NEGR1: variants seen among roughly 807,000 people sequenced by gnomAD.
The protein encoded by NEGR1 is neuronal growth regulator 1, also known as IgLON family member 4.
NEGR1 carries 10 observed loss-of-function variants against 40.9 expected under a neutral mutation model. That is an observed-to-expected ratio of 0.24 (90% confidence interval 0.15 to 0.42). The LOEUF (loss-of-function observed/expected upper bound fraction) is 0.42. Ranked by LOEUF, NEGR1 falls within the 10% of genes least tolerant of loss-of-function variation. The pLI is 1.00. For missense variants in NEGR1, 352 were observed against 438.9 expected, an observed-to-expected ratio of 0.80 and a Z score of 1.77; for synonymous variants, 185 against 166.8, an observed-to-expected ratio of 1.11 and a Z score of -0.84.
chr1:72,174,156 C>T (rs991850776), intron 1 of NEGR1, among the ~76,000 whole-genome samples: 2 of 151,938 alleles, frequency 1.3e-5, no homozygotes, highest in South Asian at 4.1e-4. Flanking sequence ...ATTTCATTAT[C>T]TTGCAACTTT....
chr1:71,495,948 T>A (rs1646960222), intron 6 of NEGR1, among the ~76,000 whole-genome samples: 1 of 152,194 alleles, frequency 6.6e-6, no homozygotes, highest in Admixed American at 6.5e-5. Context: ...TATTTGATAA[T>A]TCTTGCAACA....
chr1:71,836,608 G>A (rs997672636), intron 2 of NEGR1, among the ~76,000 whole-genome samples: 4 of 151,578 alleles, frequency 2.6e-5, no homozygotes, highest in African/African-American at 9.7e-5. Context: ...AAAGAATTGG[G>A]ACTCCGGCGA....
intron 1 of NEGR1, among the ~76,000 whole-genome samples, chr1:72,101,740 C>A (rs548324718): frequency 1.2e-4 from 19 of 152,122 alleles, no homozygotes; most frequent in African/African-American, 4.1e-4. Flanking sequence ...GCTTCAAACA[C>A]AGCAAAGAAC....
At chr1:71,587,964 CTTAA>C (rs1244611216) in intron 6 of NEGR1, among the ~76,000 whole-genome samples, 2 of 152,120 alleles carry the variant, frequency 1.3e-5, no homozygotes, top group African/African-American at 2.4e-5. Flanking sequence ...TTTCTTCCAT[CTTAA>C]TTAATTCTAT....
intron 3 of NEGR1, among the ~76,000 whole-genome samples, chr1:71,740,526 T>A (rs911022543): frequency 7.2e-5 from 11 of 152,172 alleles, no homozygotes; most frequent in African/African-American, 2.4e-4. Flanking sequence ...GAAAACAAAA[T>A]GAACTTCATC....
intron 4 of NEGR1, among the ~76,000 whole-genome samples, chr1:71,666,764 T>A (rs957355018): frequency 6.6e-6 from 1 of 152,218 alleles, no homozygotes; most frequent in Non-Finnish European, 1.5e-5. Context: ...CAGACAGGGC[T>A]GAGTAACTCC....
chr1:71,539,219 C>G (rs1477656680), intron 6 of NEGR1, among the ~76,000 whole-genome samples: 1 of 151,714 alleles, frequency 6.6e-6, no homozygotes, highest in Non-Finnish European at 1.5e-5. Flanking sequence ...AAGCATCACT[C>G]TATAAATGTT....
intron 6 of NEGR1, among the ~76,000 whole-genome samples, chr1:71,560,079 C>CATG (rs3050879): frequency 0.015 from 2,272 of 149,694 alleles, 21 homozygotes; most frequent in South Asian, 0.033. Flanking sequence ...ACTAAGAGGT[C>CATG]ATGATGATGA....
At chr1:71,505,180 C>A (rs137872310) in intron 6 of NEGR1, among the ~76,000 whole-genome samples, 1 of 151,836 alleles carries the variant, frequency 6.6e-6, no homozygotes, top group East Asian at 1.9e-4. Context: ...CCGATTCTCA[C>A]AAAAAGCCTA....
chr1:71,578,001 C>T (rs1187499706), intron 6 of NEGR1, among the ~76,000 whole-genome samples: 1 of 152,052 alleles, frequency 6.6e-6, no homozygotes, highest in Non-Finnish European at 1.5e-5. Flanking sequence ...TACATTCTGC[C>T]TTTCCTTATT....
intron 2 of NEGR1, among the ~76,000 whole-genome samples, chr1:71,800,455 T>G (rs1292907674): frequency 6.6e-6 from 1 of 152,180 alleles, no homozygotes; most frequent in African/African-American, 2.4e-5. Context: ...TGCCTAGGTT[T>G]TCCTCTAGGG....
intron 4 of NEGR1, among the ~76,000 whole-genome samples, chr1:71,643,319 C>T (rs1447867012): frequency 6.6e-6 from 1 of 151,926 alleles, no homozygotes; most frequent in Non-Finnish European, 1.5e-5. Context: ...CAGCCAACAT[C>T]TTCTCAGTGA....
chr1:71,664,456 T>C (rs1002441722), intron 4 of NEGR1, among the ~76,000 whole-genome samples: 1 of 152,206 alleles, frequency 6.6e-6, no homozygotes, highest in Non-Finnish European at 1.5e-5. Context: ...TTTTACAATT[T>C]CCAGTTTTCC....
chr1:71,943,752 C>G (rs1305445740), intron 1 of NEGR1, among the ~76,000 whole-genome samples: 1 of 151,902 alleles, frequency 6.6e-6, no homozygotes, highest in African/African-American at 2.4e-5. Flanking sequence ...TCCTCTTATC[C>G]CGATAATAAA....
intron 4 of NEGR1, among the ~76,000 whole-genome samples, chr1:71,661,616 T>C (rs1274944869): frequency 6.6e-6 from 1 of 152,190 alleles, no homozygotes; most frequent in Non-Finnish European, 1.5e-5. Flanking sequence ...ATAAATCTTA[T>C]GACCCCCGTT....
chr1:72,122,549 A>T (rs911795862), intron 1 of NEGR1, among the ~76,000 whole-genome samples: 5 of 151,884 alleles, frequency 3.3e-5, no homozygotes, highest in African/African-American at 1.2e-4. Flanking sequence ...CATCTATTTG[A>T]TTATGTTATG....
intron 2 of NEGR1, among the ~76,000 whole-genome samples, chr1:71,917,147 T>C (rs1046250100): frequency 3.9e-5 from 6 of 152,204 alleles, no homozygotes; most frequent in Admixed American, 6.5e-5. Context: ...TACTCATAAA[T>C]GTCACGCTAT....
intron 2 of NEGR1, among the ~76,000 whole-genome samples, chr1:71,884,991 C>G (rs536428158): frequency 6.6e-6 from 1 of 152,294 alleles, no homozygotes; most frequent in East Asian, 1.9e-4. Flanking sequence ...TCATAAACCT[C>G]AGAATGGCTT....
chr1:71,826,356 C>A (rs865777272), intron 2 of NEGR1, among the ~76,000 whole-genome samples: 23 of 151,860 alleles, frequency 1.5e-4, no homozygotes, highest in Non-Finnish European at 2.5e-4. Flanking sequence ...ACCACAATAA[C>A]CATGATTCTA....
Sources: gnomAD v4.1 joint callset for allele counts (sites outside exome capture counted in the v4.1 genomes callset) on GRCh38, gnomAD v4.1.1 for gene constraint, MANE v1.5 for transcripts, NCBI Gene and HGNC (gene_info 2026-07-23, HGNC 2026-07-21) for gene names.